Variants in WDR64 observed in about 807,000 individuals in gnomAD.
WDR64 encodes the protein WD repeat-containing protein 64.
WDR64 carries 112 observed loss-of-function variants against 139.3 expected under a neutral mutation model. That is an observed-to-expected ratio of 0.80 (90% CI 0.69 to 0.94). WDR64 has a LOEUF of 0.94. Ranked by LOEUF, WDR64 falls within the 40% of genes least tolerant of loss-of-function variation. The pLI, the probability that WDR64 is intolerant of heterozygous loss-of-function variation, is 0.00. For synonymous variants in WDR64, 444 were observed against 437.7 expected, an observed-to-expected ratio of 1.01 and a Z score of -0.18; for missense variants, 1,206 against 1,293.1, an observed-to-expected ratio of 0.93 and a Z score of 1.03.
At position 241,656,501 on chromosome 1, in the gene WDR64, C is replaced by G. The variant is rs1021113132; in HGVS notation, c.145+3872C>G. On this transcript the variant is annotated intron_variant, in intron 1 of 27. Coordinates refer to ENST00000437684, the MANE Select transcript of WDR64 (RefSeq NM_001367482.1). The surrounding 1 kb of genome is among the most constrained non-coding windows in gnomAD (Gnocchi z 4.3). ...GTTGGTGTAAATAAATATAAAACAGCTAAGGAACTGTTCAGATGCCTCATG... is the reference window on the plus strand; with the variant it reads ...GTTGGTGTAAATAAATATAAAACAGGTAAGGAACTGTTCAGATGCCTCATG... Among the ~76,000 whole-genome samples the G allele has an allele frequency of 2.0e-5, 3 of 152,144 alleles. No individual in the cohort carries two copies. Among genetic ancestry groups the G allele is most frequent in the African/African-American group, 7.2e-5 (3 of 41,426 alleles).
Position 241,664,370 on chromosome 1 carries a change from T to C in WDR64, c.276+3710T>C, listed in dbSNP as rs149088027. Among the ~76,000 whole-genome samples the C allele has an allele frequency of 9.3e-3, 1,422 of 152,324 alleles. 19 individuals carry two copies. Among genetic ancestry groups the C allele is most frequent in the Non-Finnish European group, 0.013 (911 of 68,024 alleles). On this transcript the variant is annotated intron_variant, in intron 2 of 27. Transcript: ENST00000437684. ...AATATGAAAATGTGTGTCTAACCAATGTTTCACGTCAATATAAAAAAATTA... is the reference window on the plus strand; with the variant it reads ...AATATGAAAATGTGTGTCTAACCAACGTTTCACGTCAATATAAAAAAATTA...
chr1:241,681,086 TTCTCTC>T (rs113784729), intron 6 of WDR64, among the ~76,000 whole-genome samples: 2 of 150,350 alleles, frequency 1.3e-5, no homozygotes, highest in African/African-American at 4.9e-5. Context: ...CTACAGCCTC[TTCTCTC>T]TCTCTCTCTC....
intron 4 of WDR64, among the ~76,000 whole-genome samples, chr1:241,675,913 C>T (rs1201569990): frequency 1.3e-5 from 2 of 152,100 alleles, no homozygotes; most frequent in Non-Finnish European, 2.9e-5. Flanking sequence ...GAATATGTTA[C>T]AATATACCCT....
rs1427008607 is a variant in WDR64, at chr1:241,656,149, G to C, written c.145+3520G>C. On this transcript the variant is annotated intron_variant, in intron 1 of 27. Transcript: ENST00000437684. The surrounding 1 kb of genome is among the most constrained non-coding windows in gnomAD (Gnocchi z 4.3). ...TACCTTCTATCACGGGGCGGCCTAA[G>C]AAAGAGTGAGGAGAAGGCAGAAATG... 6.6e-6 allele frequency among the ~76,000 whole-genome samples: 1 copy of C among 152,224 alleles called. No homozygotes were observed. The highest frequency in any genetic ancestry group is 1.5e-5 in the Non-Finnish European group (1 of 68,044).
intron 9 of WDR64, among the ~76,000 whole-genome samples, chr1:241,717,803 G>A (rs1668461779): frequency 6.6e-6 from 1 of 151,764 alleles, no homozygotes; most frequent in South Asian, 2.1e-4. Context: ...TCAAGAGCAG[G>A]GATCATATTT....
intron 9 of WDR64, among the ~76,000 whole-genome samples, chr1:241,714,804 T>A (rs532640252): frequency 5.3e-5 from 8 of 152,328 alleles, no homozygotes; most frequent in African/African-American, 1.9e-4. Context: ...TCACCAACTC[T>A]GATTTTTCAG....
chr1:241,755,846 A>G (rs1007692854), intron 14 of WDR64, among the ~76,000 whole-genome samples: 1 of 152,072 alleles, frequency 6.6e-6, no homozygotes, highest in Non-Finnish European at 1.5e-5. Flanking sequence ...TGTTTTTGTC[A>G]GGTTTGTCAA....
At chr1:241,727,985 G>A (rs114516007) in intron 10 of WDR64, among the ~76,000 whole-genome samples, 1,624 of 151,938 alleles carry the variant, frequency 0.011, 28 homozygotes, top group African/African-American at 0.037. Flanking sequence ...AATGATCAGG[G>A]GAACCAGCCC....
intron 8 of WDR64, among the ~76,000 whole-genome samples, chr1:241,689,652 G>A (rs1430912225): frequency 6.6e-6 from 1 of 152,204 alleles, no homozygotes; most frequent in Non-Finnish European, 1.5e-5. Context: ...ACATGGCAAG[G>A]AGGTTGGAAT....
chr1:241,781,017 C>G (rs540186911), intron 22 of WDR64, among the ~76,000 whole-genome samples: 5 of 152,218 alleles, frequency 3.3e-5, no homozygotes, highest in African/African-American at 9.6e-5. Flanking sequence ...GCAAGCTGAA[C>G]AAAAACAAAC....
At chr1:241,687,712 A>G (rs1667063139) in intron 8 of WDR64, 117 bp downstream of exon 8, 19 of 1,058,930 alleles carry the variant, frequency 1.8e-5, no homozygotes, top group Non-Finnish European at 2.5e-5. Context: ...GACATTAACT[A>G]TTCCATTTGT....
At position 241,660,620 on chromosome 1, in the gene WDR64, A is replaced by G. The variant is rs542618040; in HGVS notation, c.236A>G (p.Lys79Arg). 11 of 1,551,628 alleles carry G rather than the reference A, an allele frequency of 7.1e-6. No homozygotes were observed. The African/African-American group carries it at 1.1e-4, about 15-fold the overall frequency. Residue 79 changes from lysine (K) to arginine (R), a missense_variant, in exon 2 of 28, where the codon AAA becomes AGA. By Grantham distance (26) the Lys-to-Arg change is conservative. Coordinates refer to ENST00000437684, the MANE Select transcript of WDR64 (RefSeq NM_001367482.1). ...CAAGATGTGAAACGCTTTTACAGGA[A>G]ACTGTGCAACAACACGGATGCATCT... The part of the protein sequence containing the change: ...KNQDVKRFYR[K>R]LCNNTDASAD...
chr1:241,683,196 C>CA (rs893321049), intron 6 of WDR64, among the ~76,000 whole-genome samples: 3 of 151,814 alleles, frequency 2.0e-5, no homozygotes, highest in Non-Finnish European at 2.9e-5. Context: ...CTTATAAATC[C>CA]AAAAAAAGGC....
At chr1:241,722,567 C>T (rs149328929) in intron 9 of WDR64, among the ~76,000 whole-genome samples, 95 of 152,086 alleles carry the variant, frequency 6.2e-4, no homozygotes, top group African/African-American at 1.8e-3. Context: ...GAAATAGTAA[C>T]TAAAAGGATA....
chr1:241,688,191 T>C (rs1433874321), intron 8 of WDR64, among the ~76,000 whole-genome samples: 5 of 152,232 alleles, frequency 3.3e-5, no homozygotes, highest in Admixed American at 1.3e-4. Context: ...AGACTGCATA[T>C]GGTATGATTC....
chr1:241,683,902 G>T (rs959394791), intron 7 of WDR64, among the ~76,000 whole-genome samples: 1 of 138,590 alleles, frequency 7.2e-6, no homozygotes, highest in Non-Finnish European at 1.6e-5. Context: ...CACACAGAGT[G>T]AAATGCTTCT....
At chr1:241,653,342 T>C (rs374300541) in intron 1 of WDR64, among the ~76,000 whole-genome samples, 3 of 152,226 alleles carry the variant, frequency 2.0e-5, no homozygotes, top group East Asian at 3.8e-4. Flanking sequence ...AGCCAGCCTC[T>C]GAGTGTGCCA....
At position 241,656,890 on chromosome 1, in the gene WDR64, G is replaced by C. The variant is rs1315866661; in HGVS notation, c.146-3640G>C. 2.6e-5 allele frequency among the ~76,000 whole-genome samples: 4 copies of C among 151,136 alleles called. No individual in the cohort carries two copies. The highest frequency in any genetic ancestry group is 5.9e-5 in the Non-Finnish European group (4 of 67,874). On this transcript the variant is annotated intron_variant, in intron 1 of 27. Coordinates refer to ENST00000437684, the MANE Select transcript of WDR64 (RefSeq NM_001367482.1). The surrounding 1 kb of genome is among the most constrained non-coding windows in gnomAD (Gnocchi z 4.3). Reference sequence around the variant, plus strand: ...AAATGTTGTGTGTGTGTGTGTGTGTGTGTGTGTGTGTGTGTGTGTGTCTGT... The same window carrying C: ...AAATGTTGTGTGTGTGTGTGTGTGTCTGTGTGTGTGTGTGTGTGTGTCTGT...
chr1:241,729,728 G>A (rs1669005660), intron 10 of WDR64, among the ~76,000 whole-genome samples: 2 of 152,134 alleles, frequency 1.3e-5, no homozygotes, highest in African/African-American at 2.4e-5. Context: ...TAAACCTGGA[G>A]ATAGAAAAAC....
Sources: allele counts gnomAD v4.1 joint callset (sites outside exome capture counted in the v4.1 genomes callset), GRCh38; gene constraint gnomAD v4.1.1; non-coding constraint Gnocchi (gnomAD v3.1); transcripts MANE v1.5; gene names NCBI Gene and HGNC (gene_info 2026-07-23, HGNC 2026-07-21).